ANKHD1: variants seen among roughly 807,000 people sequenced by gnomAD.
ANKHD1 encodes the protein ankyrin repeat and KH domain containing 1.
In ANKHD1, 31 loss-of-function variants were observed where a neutral mutation model predicts 230.5. The observed-to-expected ratio is 0.13, with a 90% CI of 0.10 to 0.18. The LOEUF (loss-of-function observed/expected upper bound fraction) is 0.18. ANKHD1 is among the 10% of genes least tolerant of loss of function. ANKHD1 has a pLI of 1.00. For synonymous variants in ANKHD1, 1,074 were observed against 1,117.6 expected (o/e 0.96, Z 0.78); for missense variants, 2,256 against 3,071.3 (o/e 0.73, Z 6.27).
intron 29 of ANKHD1, among the ~76,000 whole-genome samples, chr5:140,533,381 G>A (rs1422407746): frequency 3.9e-5 from 6 of 152,092 alleles, no homozygotes; most frequent in African/African-American, 1.2e-4. Context: ...GGCAGATCAC[G>A]AGGTCAGGAG....
chr5:140,503,810 A>G (rs185587919), intron 15 of ANKHD1, among the ~76,000 whole-genome samples: 1 of 151,690 alleles, frequency 6.6e-6, no homozygotes, highest in Non-Finnish European at 1.5e-5. Flanking sequence ...TCCTGACCTG[A>G]GGTGATCTGC....
intron 25 of ANKHD1, 29 bp downstream of exon 25, chr5:140,524,269 T>C (rs1753498041): frequency 5.2e-6 from 8 of 1,537,840 alleles, no homozygotes; most frequent in Non-Finnish European, 6.9e-6. Context: ...GAATTAACGA[T>C]AAAATTCTCC....
chr5:140,434,019 G>A (rs935004279), intron 1 of ANKHD1, among the ~76,000 whole-genome samples: 1 of 152,140 alleles, frequency 6.6e-6, no homozygotes, highest in African/African-American at 2.4e-5. Flanking sequence ...CTGTGTTACA[G>A]TATAGCTCAA....
chr5:140,534,386 C>T (rs1316843847), intron 29 of ANKHD1, among the ~76,000 whole-genome samples: 1 of 147,136 alleles, frequency 6.8e-6, no homozygotes, highest in Non-Finnish European at 1.5e-5. Flanking sequence ...AGCAAGACTC[C>T]GTCTCAAAAA....
chr5:140,470,611 C>CTTTTTTTTTTTTTTTTTTTTTTTGT (rs386405120), intron 10 of ANKHD1, among the ~76,000 whole-genome samples: 1 of 71,768 alleles, frequency 1.4e-5, no homozygotes, highest in Non-Finnish European at 2.6e-5. Flanking sequence ...CTTGTTTCTG[C>CTTTTTTTTTTTTTTTTTTTTTTTGT]TTTTTTTTTT....
intron 30 of ANKHD1, chr5:140,537,089 T>C: frequency 4.8e-6 from 1 of 207,788 alleles, no homozygotes; most frequent in Non-Finnish European, 9.2e-6. Flanking sequence ...AAAACAAATG[T>C]GGCCTGCTTC....
chr5:140,529,078 A>G lies in ANKHD1; in HGVS notation c.6132A>G (p.Pro2044=), dbSNP rs1299765815. The G allele has an allele frequency of 6.2e-7, 1 of 1,613,916 alleles. No individual in the cohort carries two copies. The highest frequency in any genetic ancestry group is 2.2e-5 in the East Asian group (1 of 44,900). The part of the protein sequence containing the change: ...QDQPMANLCT[P]SSTANSCSSS... ...AGCCCATGGCAAACCTATGTACCCCATCTTCAACTGCAAACAGTTGCAGTA... is the reference window on the plus strand; with the variant it reads ...AGCCCATGGCAAACCTATGTACCCCGTCTTCAACTGCAAACAGTTGCAGTA... The change falls in exon 29 of 34, where the codon CCA becomes CCG. Residue 2044 remains proline, a synonymous_variant. Transcript: ENST00000360839.
chr5:140,512,281 T>C (rs1033557676), intron 22 of ANKHD1, among the ~76,000 whole-genome samples: 1 of 152,098 alleles, frequency 6.6e-6, no homozygotes, highest in Non-Finnish European at 1.5e-5. Flanking sequence ...ATTACAGATC[T>C]TTCAACCCTT....
At chr5:140,499,097 C>A (rs1752164753) in intron 15 of ANKHD1, among the ~76,000 whole-genome samples, 2 of 152,006 alleles carry the variant, frequency 1.3e-5, no homozygotes, top group South Asian at 4.1e-4. Flanking sequence ...AATTTTAAAT[C>A]AGCCAACAGG....
chr5:140,466,711 C>T (rs140812461), intron 10 of ANKHD1, among the ~76,000 whole-genome samples: 5 of 152,170 alleles, frequency 3.3e-5, no homozygotes, highest in Admixed American at 1.3e-4. Flanking sequence ...TTTGGGAGAC[C>T]GAGGCGGACG....
intron 14 of ANKHD1, among the ~76,000 whole-genome samples, chr5:140,494,855 C>A (rs1021971578): frequency 1.3e-5 from 2 of 152,110 alleles, no homozygotes; most frequent in Admixed American, 6.5e-5. Context: ...TAATAGATAA[C>A]TTTTTTACCC....
In ANKHD1 at chr5:140,518,904, T is replaced by C. The variant is rs374377970; in HGVS notation, c.4318-5162T>C. 2.8e-4 allele frequency among the ~76,000 whole-genome samples: 42 copies of C among 152,226 alleles called. 1 individual carries two copies. In the East Asian group the frequency reaches 6.0e-3, roughly 22 times the overall value. On this transcript the variant is annotated intron_variant, in intron 24 of 33. Transcript: ENST00000360839. ...ACAGGGATGCCCTCTCTCACCACTC[T>C]TATTCAACATAGTGTTGGAAGTTCT...
chr5:140,510,269 G>T, intron 22 of ANKHD1, 88 bp downstream of exon 22: 7 of 1,125,560 alleles, frequency 6.2e-6, no homozygotes, highest in East Asian at 3.1e-5. Flanking sequence ...TTGGAGAATT[G>T]AGTATATTTC....
At chr5:140,481,169 G>A (rs986123194) in intron 10 of ANKHD1, among the ~76,000 whole-genome samples, 90 of 152,086 alleles carry the variant, frequency 5.9e-4, no homozygotes, top group Non-Finnish European at 4.4e-5. Context: ...GGATGTAGTT[G>A]ATTGTAATGA....
At chr5:140,445,404 C>T (rs560916990) in intron 5 of ANKHD1, among the ~76,000 whole-genome samples, 90 of 151,912 alleles carry the variant, frequency 5.9e-4, no homozygotes, top group African/African-American at 8.9e-4. Context: ...CTCAGGAGGC[C>T]GAGGCAGGAG....
intron 10 of ANKHD1, among the ~76,000 whole-genome samples, chr5:140,465,890 T>G (rs1166584096): frequency 2.6e-5 from 4 of 152,218 alleles, no homozygotes; most frequent in African/African-American, 9.6e-5. Context: ...TCTATATCTT[T>G]TTCCTTTTAT....
intron 9 of ANKHD1, among the ~76,000 whole-genome samples, chr5:140,463,618 C>T (rs562040075): frequency 7.2e-5 from 11 of 152,156 alleles, no homozygotes; most frequent in South Asian, 2.1e-4. Context: ...TAAGGGACCA[C>T]CTCAGTACTT....
chr5:140,468,619 T>A (rs928929456), intron 10 of ANKHD1, among the ~76,000 whole-genome samples: 10 of 152,226 alleles, frequency 6.6e-5, no homozygotes, highest in African/African-American at 1.7e-4. Flanking sequence ...TAAGATTTTT[T>A]AAAAAATTTA....
In ANKHD1 at chr5:140,528,130, T is replaced by G. The variant is rs955803247; in HGVS notation, c.5238-54T>G. ...CTTTATTTGATGGTTAAGATTACCT[T>G]TTTTTTTTTTTTTAATGTTTTTGGT... On this transcript the variant is annotated intron_variant, in intron 28 of 33. Transcript: ENST00000360839. The G allele has an allele frequency of 8.6e-6, 9 of 1,047,882 alleles. No homozygotes were observed. The South Asian group carries it at 1.6e-4, about 19-fold the overall frequency. The allele number at this position is 1,047,882 out of a possible 1,614,324, so 64.9% of individuals were successfully genotyped here.
Sources: allele counts gnomAD v4.1 joint callset (sites outside exome capture counted in the v4.1 genomes callset), GRCh38; gene constraint gnomAD v4.1.1; transcripts MANE v1.5; gene names NCBI Gene and HGNC (gene_info 2026-07-23, HGNC 2026-07-21).